TMEM131: variants seen among roughly 807,000 people sequenced by gnomAD.
TMEM131 encodes the protein transmembrane protein 131.
In TMEM131, 66 loss-of-function variants were observed where a neutral mutation model predicts 211.6. The observed-to-expected ratio is 0.31, with a 90% CI of 0.26 to 0.38. The LOEUF (loss-of-function observed/expected upper bound fraction) is 0.38. Ranked by LOEUF, TMEM131 falls within the 10% of genes least tolerant of loss-of-function variation. The pLI is 1.00. For synonymous variants in TMEM131, 844 were observed against 841.3 expected (o/e 1.00, Z -0.06); for missense variants, 2,036 against 2,299.3 (o/e 0.89, Z 2.34).
intron 1 of TMEM131, among the ~76,000 whole-genome samples, chr2:97,945,392 CTATGAG>C (rs1235361543): frequency 6.6e-6 from 1 of 152,010 alleles, no homozygotes; most frequent in African/African-American, 2.4e-5. Context: ...TTGTACAAGT[CTATGAG>C]TATACTTCAA....
At chr2:97,943,022 AAAAGAAAAGAAAAGAAAAG>A (rs1677837134) in intron 1 of TMEM131, among the ~76,000 whole-genome samples, 1,081 of 59,614 alleles carry the variant, frequency 0.018, 18 homozygotes, top group Middle Eastern at 0.038. Flanking sequence ...AAAAGAAAAG[AAAAGAAAAGAAAAGAAAAG>A]AAAGAAAGAA....
In TMEM131 at chr2:97,874,225, G is replaced by A. The variant is rs957709792; in HGVS notation, c.359+13827C>T. On this transcript the variant is annotated intron_variant, in intron 4 of 40. Transcript: ENST00000186436. ...GCCTCCAAGAAATATGGGACTATGT[G>A]AAAAGACCAAATCTACGTTTGATTG... Among the ~76,000 whole-genome samples, 8 of 152,182 alleles carry A rather than the reference G, an allele frequency of 5.3e-5. No individual in the cohort carries two copies. The South Asian group carries it at 1.2e-3, about 24-fold the overall frequency.
Position 97,796,198 on chromosome 2 carries a change from C to A in TMEM131, c.3200+20G>T. 1 of 1,417,768 alleles carries A rather than the reference C, an allele frequency of 7.1e-7. No homozygotes were observed. The highest frequency in any genetic ancestry group is 2.6e-5 in the East Asian group (1 of 38,766). 87.8% of individuals were successfully genotyped at this position (1,417,768 alleles called of 1,614,324 possible). A position where few individuals can be genotyped will look rare whatever the true frequency, so the allele number is the denominator to read the frequency against. On this transcript the variant is annotated intron_variant, in intron 28 of 40. Transcript: ENST00000186436. The stretch of plus-strand genomic sequence containing the variant: ...TGAGGAAAGTTAGTGATTCATTACA[C>A]CTTAAAATAAAATACTTACAATATG...
chr2:97,804,786 T>C (rs1681211222), intron 22 of TMEM131, among the ~76,000 whole-genome samples: 1 of 152,138 alleles, frequency 6.6e-6, no homozygotes, highest in South Asian at 2.1e-4. Flanking sequence ...CCTATGCAAA[T>C]GGATGAGTCT....
At position 97,757,403 on chromosome 2, in the gene TMEM131, G is replaced by A. The variant is rs750882755; in HGVS notation, c.5368-20C>T. 29 of 1,563,890 alleles carry A rather than the reference G, an allele frequency of 1.9e-5. No individual in the cohort carries two copies. The highest frequency in any genetic ancestry group is 8.4e-5 in the South Asian group (7 of 83,356). On this transcript the variant is annotated intron_variant, in intron 40 of 40. Transcript: ENST00000186436. Reference sequence around the variant, plus strand: ...GACCGACTGCGACAAAACAGAAAGCGTCCAGCACTGAGCCCGGCAGGCAGA... The same window carrying A: ...GACCGACTGCGACAAAACAGAAAGCATCCAGCACTGAGCCCGGCAGGCAGA...
chr2:97,846,951 T>G (rs1486390209), intron 5 of TMEM131, among the ~76,000 whole-genome samples: 1 of 151,224 alleles, frequency 6.6e-6, no homozygotes, highest in Non-Finnish European at 1.5e-5. Context: ...GAGGCCGAGG[T>G]GGGCGGATCA....
intron 1 of TMEM131, among the ~76,000 whole-genome samples, chr2:97,943,091 A>ATGCCTGTATTCCCACTACTC (rs1677871558): frequency 6.9e-6 from 1 of 145,928 alleles, no homozygotes; most frequent in Non-Finnish European, 1.5e-5. Flanking sequence ...GAAAGAAAGA[A>ATGCCTGTATTCCCACTACTC]AGAAAGAAAG....
chr2:97,829,465 T>C (rs1484378139), intron 11 of TMEM131, among the ~76,000 whole-genome samples: 2 of 152,178 alleles, frequency 1.3e-5, no homozygotes, highest in African/African-American at 4.8e-5. Context: ...CAGTCAGCAC[T>C]GTGTCTAGCT....
rs139802572 is a variant in TMEM131 at position 97,918,482 on chromosome 2, C to T, written c.249+8944G>A. Among the ~76,000 whole-genome samples the T allele has an allele frequency of 3.9e-5, 6 of 152,154 alleles. No individual in the cohort carries two copies. The East Asian group carries it at 9.7e-4, about 25-fold the overall frequency. ...AACCTAATCAAGACTCTAGATTTAG[C>T]TAACAGTTTACAGAAAATTCACACC... On this transcript the variant is annotated intron_variant, in intron 2 of 40. Transcript: ENST00000186436.
chr2:97,800,595 C>CAAAAAAAAAAAAAAA (rs3064071), intron 25 of TMEM131, among the ~76,000 whole-genome samples: 1 of 123,270 alleles, frequency 8.1e-6, no homozygotes, highest in African/African-American at 3.4e-5. Flanking sequence ...ACTAAAAATA[C>CAAAAAAAAAAAAAAA]AAAAAAAAAA....
intron 21 of TMEM131, 23 bp from the exon 22 acceptor site, chr2:97,805,228 A>G (rs1255039596): frequency 1.3e-6 from 2 of 1,599,272 alleles, no homozygotes; most frequent in African/African-American, 1.3e-5. Context: ...AACATACTTA[A>G]CCTGCATCTA....
chr2:97,884,198 ATGT>A (rs1223210733), intron 4 of TMEM131, among the ~76,000 whole-genome samples: 4 of 152,270 alleles, frequency 2.6e-5, no homozygotes, highest in Non-Finnish European at 4.4e-5. Context: ...ATTCAGGAAC[ATGT>A]TGTTTGATTT....
intron 31 of TMEM131, among the ~76,000 whole-genome samples, chr2:97,785,476 C>T (rs1030874353): frequency 1.3e-5 from 2 of 152,174 alleles, no homozygotes; most frequent in Non-Finnish European, 1.5e-5. Context: ...AAAGAGGTAT[C>T]ACTACACACT....
chr2:97,967,404 G>T (rs1351099436), intron 1 of TMEM131, among the ~76,000 whole-genome samples: 2 of 152,012 alleles, frequency 1.3e-5, no homozygotes, highest in African/African-American at 4.8e-5. Flanking sequence ...CAGAAAACAG[G>T]AAGTGTAACA....
rs760639133 is a variant in TMEM131 at position 97,813,960 on chromosome 2, A to G, written c.1617+11T>C. ...GGGAGTTTAAATGTTAAAGATGGATAATATACTTACATCTAAAAAGCCTGT... is the reference window on the plus strand; with the variant it reads ...GGGAGTTTAAATGTTAAAGATGGATGATATACTTACATCTAAAAAGCCTGT... On this transcript the variant is annotated intron_variant, in intron 15 of 40. Transcript: ENST00000186436. 1.3e-6 allele frequency: 2 copies of G among 1,566,544 alleles called. No homozygotes were observed. The highest frequency in any genetic ancestry group is 1.7e-6 in the Non-Finnish European group (2 of 1,154,510).
chr2:97,932,067 A>AG (rs1018966456), intron 1 of TMEM131, among the ~76,000 whole-genome samples: 21 of 151,688 alleles, frequency 1.4e-4, no homozygotes, highest in Non-Finnish European at 2.4e-4. Context: ...GCTTGAGCCC[A>AG]GGGGGCAGAG....
At chr2:97,927,805 G>A (rs1331697787) in intron 1 of TMEM131, among the ~76,000 whole-genome samples, 3 of 152,094 alleles carry the variant, frequency 2.0e-5, no homozygotes, top group Admixed American at 6.6e-5. Context: ...TTCCCTGATA[G>A]ATTAATTGAA....
chr2:97,994,970 TAATA>T (rs1447661746), intron 1 of TMEM131, among the ~76,000 whole-genome samples: 4 of 152,360 alleles, frequency 2.6e-5, no homozygotes, highest in Non-Finnish European at 5.9e-5. Flanking sequence ...TTAGGTCTAA[TAATA>T]AAGTTATCAA....
At chr2:97,956,852 A>G (rs549646719) in intron 1 of TMEM131, among the ~76,000 whole-genome samples, 1 of 152,248 alleles carries the variant, frequency 6.6e-6, no homozygotes, top group Admixed American at 6.5e-5. Context: ...TAATCCCAGC[A>G]GTTTGGGAGG....
Sources: gnomAD v4.1 joint callset for allele counts (sites outside exome capture counted in the v4.1 genomes callset) on GRCh38, gnomAD v4.1.1 for gene constraint, MANE v1.5 for transcripts, NCBI Gene and HGNC (gene_info 2026-07-23, HGNC 2026-07-21) for gene names.